GFOD2: variants seen among roughly 807,000 people sequenced by gnomAD.
The protein encoded by GFOD2 is Gfo/Idh/MocA-like oxidoreductase domain containing 2.
Under a neutral mutation model 24.6 loss-of-function variants are expected in GFOD2, and 9 were observed. The observed-to-expected ratio is 0.37, with a 90% CI of 0.22 to 0.64. The LOEUF (loss-of-function observed/expected upper bound fraction) is 0.64, where lower values mean the gene tolerates loss of function less well. GFOD2 is among the 30% of genes least tolerant of loss of function. The probability of loss-of-function intolerance (pLI) is 0.65; values close to 1 mark genes in which losing one functional copy is unlikely to be tolerated. For missense variants in GFOD2, 476 were observed against 532.5 expected (o/e 0.89, Z 1.04); for synonymous variants, 211 against 224.8 (o/e 0.94, Z 0.55).
rs373192778 is a variant in GFOD2 at position 67,682,673 on chromosome 16, T to G, written c.259+2784A>C. On this transcript the variant is annotated intron_variant, in intron 2 of 2. Coordinates refer to ENST00000268797, the MANE Select transcript of GFOD2 (RefSeq NM_030819.4). ...ATCTCTGGAAGGTTAAGTCCAATCA[T>G]TAATTTTAGGAAAAACTAATAATGA... 11 of 985,338 alleles carry G rather than the reference T, an allele frequency of 1.1e-5. No individual in the cohort carries two copies. In the East Asian group the frequency reaches 9.1e-4, roughly 81 times the overall value. 61.0% of individuals were successfully genotyped at this position (985,338 alleles called of 1,614,324 possible).
intron 2 of GFOD2, chr16:67,676,626 A>G (rs1316352847): frequency 6.6e-6 from 1 of 152,428 alleles, no homozygotes; most frequent in Non-Finnish European, 1.5e-5. Context: ...ACTCTTAGTC[A>G]TAACTCCAGA....
chr16:67,695,347 C>T (rs1309966170), intron 1 of GFOD2, among the ~76,000 whole-genome samples: 1 of 152,032 alleles, frequency 6.6e-6, no homozygotes. Flanking sequence ...GGCTTCTCTA[C>T]TAGTTTTCTT....
chr16:67,684,878 G>A, intron 2 of GFOD2: 1 of 991,320 alleles, frequency 1.0e-6, no homozygotes, highest in Non-Finnish European at 1.2e-6. Flanking sequence ...AGGTTACCAA[G>A]CCCAAAACTT....
chr16:67,693,143 T>C (rs182143891), intron 1 of GFOD2, among the ~76,000 whole-genome samples: 1 of 152,152 alleles, frequency 6.6e-6, no homozygotes, highest in Non-Finnish European at 1.5e-5. Context: ...GTACCTCTGG[T>C]CCTACTAATG....
intron 2 of GFOD2, chr16:67,683,250 G>T (rs2053241529): frequency 9.0e-7 from 1 of 1,110,706 alleles, no homozygotes; most frequent in Non-Finnish European, 1.1e-6. Flanking sequence ...AAAAAAGCAA[G>T]CTTGTTGCCA....
In GFOD2 at chr16:67,674,959, A is replaced by G. The variant is rs2053171633; in HGVS notation, c.*196T>C. The G allele has an allele frequency of 7.9e-6, 5 of 629,668 alleles. No individual in the cohort carries two copies. The highest frequency in any genetic ancestry group is 1.4e-5 in the Non-Finnish European group (5 of 365,288). 39.0% of individuals were successfully genotyped at this position (629,668 alleles called of 1,614,324 possible). A position where few individuals can be genotyped will look rare whatever the true frequency, so the allele number is the denominator to read the frequency against. Reference sequence around the variant, plus strand: ...GTGCACACCGTGGTAACCTGGCAACAGGAACATTTGCCACCCTGCAAGTCT... The same window carrying G: ...GTGCACACCGTGGTAACCTGGCAACGGGAACATTTGCCACCCTGCAAGTCT... On this transcript the variant is annotated 3_prime_UTR_variant, in exon 3 of 3. Coordinates refer to ENST00000268797, the MANE Select transcript of GFOD2 (RefSeq NM_030819.4).
chr16:67,691,636 T>C lies in GFOD2; in HGVS notation c.-87-5834A>G, dbSNP rs185696624. On this transcript the variant is annotated intron_variant, in intron 1 of 2. Coordinates refer to ENST00000268797, the MANE Select transcript of GFOD2 (RefSeq NM_030819.4). ...CCCTACATCTTCCCTCCTCTGTAAA[T>C]CTTTTCTGACTGTACCCCCCCAGGA... Among the ~76,000 whole-genome samples, 735 of 151,948 alleles carry C rather than the reference T, an allele frequency of 4.8e-3. 23 individuals are homozygous for C. Among genetic ancestry groups the C allele is most frequent in the Non-Finnish European group, 6.0e-4 (41 of 68,006 alleles).
In GFOD2 at chr16:67,689,747, G is replaced by C. The variant is rs548667799; in HGVS notation, c.-87-3945C>G. 1.9e-4 allele frequency among the ~76,000 whole-genome samples: 29 copies of C among 152,198 alleles called. No individual in the cohort carries two copies. In the South Asian group the frequency reaches 2.7e-3, roughly 14 times the overall value. On this transcript the variant is annotated intron_variant, in intron 1 of 2. Transcript: ENST00000268797. ...TGTAACCATCACCACCACCCTGGTG[G>C]ATGGTTACTTCTGGAACTCTTTTCA...
At chr16:67,690,272 A>G (rs554546141) in intron 1 of GFOD2, among the ~76,000 whole-genome samples, 1 of 152,214 alleles carries the variant, frequency 6.6e-6, no homozygotes, top group South Asian at 2.1e-4. Flanking sequence ...TGGCTGTACC[A>G]TTTTACATTT....
intron 2 of GFOD2, chr16:67,677,256 G>A (rs572255884): frequency 1.3e-5 from 2 of 152,292 alleles, no homozygotes; most frequent in Admixed American, 1.3e-4. Flanking sequence ...TCTTGCCCAG[G>A]CTGGAGTGCA....
intron 1 of GFOD2, among the ~76,000 whole-genome samples, chr16:67,700,785 C>G (rs1223305187): frequency 6.7e-6 from 1 of 149,134 alleles, no homozygotes; most frequent in Admixed American, 6.7e-5. Flanking sequence ...GTAATCCCAG[C>G]ACTTTGGGAG....
intron 1 of GFOD2, among the ~76,000 whole-genome samples, chr16:67,689,835 T>C (rs747948516): frequency 2.0e-5 from 3 of 152,098 alleles, no homozygotes; most frequent in Admixed American, 6.6e-5. Flanking sequence ...TAACTTCCCA[T>C]TCCCACTACC....
chr16:67,716,939 C>A (rs941858232), intron 1 of GFOD2, among the ~76,000 whole-genome samples: 6 of 152,102 alleles, frequency 3.9e-5, no homozygotes, highest in African/African-American at 1.4e-4. Flanking sequence ...AGCTCTTGTC[C>A]AGGCTGGAGT....
intron 1 of GFOD2, among the ~76,000 whole-genome samples, chr16:67,715,121 C>T (rs542047406): frequency 6.6e-6 from 1 of 151,956 alleles, no homozygotes; most frequent in Non-Finnish European, 1.5e-5. Context: ...TGCAATGGCA[C>T]GATCTTGGCT....
intron 2 of GFOD2, chr16:67,683,270 G>A (rs2053241661): frequency 1.7e-6 from 2 of 1,155,394 alleles, no homozygotes; most frequent in South Asian, 8.8e-5. Flanking sequence ...AAAGAACCCT[G>A]GGGTTTCCTC....
intron 1 of GFOD2, among the ~76,000 whole-genome samples, chr16:67,703,260 G>A (rs1567660542): frequency 6.6e-6 from 1 of 151,980 alleles, no homozygotes; most frequent in Non-Finnish European, 1.5e-5. Flanking sequence ...AAAATTAGCT[G>A]GGCATGGTGG....
Position 67,675,960 on chromosome 16 carries a change from C to G in GFOD2, c.353G>C (p.Ser118Thr). Residue 118 changes from serine to threonine, a missense_variant, in exon 3 of 3, where the codon AGC (serine) becomes ACC (threonine). Ser to Thr is a moderately conservative substitution (Grantham distance 58, BLOSUM62 1). Transcript: ENST00000268797. ...TASRYYPQLM[S>T]LVGNVLRFLP... is the part of the protein sequence containing the mutation. ...GAAGCGCAGCACGTTCCCTACCAGG[C>G]TCATGAGCTGCGGGTAGTAGCGCGA... The G allele has an allele frequency of 6.2e-7, 1 of 1,614,240 alleles. No homozygotes were observed. The highest frequency in any genetic ancestry group is 8.5e-7 in the Non-Finnish European group (1 of 1,180,050).
intron 1 of GFOD2, among the ~76,000 whole-genome samples, chr16:67,696,511 T>C (rs1316130072): frequency 3.9e-5 from 6 of 152,006 alleles, no homozygotes; most frequent in Non-Finnish European, 8.8e-5. Flanking sequence ...TCTCGCTCCG[T>C]CACCCAGGCT....
intron 1 of GFOD2, among the ~76,000 whole-genome samples, chr16:67,711,821 CT>C (rs2053475841): frequency 6.6e-6 from 1 of 152,200 alleles, no homozygotes; most frequent in African/African-American, 2.4e-5. Context: ...ATTAACAAGT[CT>C]TGCTGGCTCT....
Sources: gnomAD v4.1 joint callset for allele counts (sites outside exome capture counted in the v4.1 genomes callset) on GRCh38, gnomAD v4.1.1 for gene constraint, MANE v1.5 for transcripts, NCBI Gene and HGNC (gene_info 2026-07-23, HGNC 2026-07-21) for gene names.